YEATS2: variants seen among roughly 807,000 people sequenced by gnomAD.
YEATS2 encodes YEATS domain-containing protein 2.
In YEATS2, 77 loss-of-function variants were observed where a neutral mutation model predicts 163.2. That is an observed-to-expected ratio of 0.47 (90% CI 0.39 to 0.57). The LOEUF (loss-of-function observed/expected upper bound fraction) is 0.57. Ranked by LOEUF, YEATS2 falls within the 20% of genes least tolerant of loss-of-function variation. The pLI is 0.00. For synonymous variants in YEATS2, 631 were observed against 645.1 expected (o/e 0.98, Z 0.33); for missense variants, 1,549 against 1,729.8 (o/e 0.90, Z 1.85).
chr3:183,807,492 A>G, intron 28 of YEATS2: 1 of 266,746 alleles, frequency 3.7e-6, no homozygotes, highest in East Asian at 1.0e-4. Flanking sequence ...TCCTCCCCTG[A>G]TGTGTTGATA....
At chr3:183,774,287 C>G (rs1722755878) in intron 17 of YEATS2, among the ~76,000 whole-genome samples, 3 of 152,124 alleles carry the variant, frequency 2.0e-5, no homozygotes, top group Admixed American at 2.0e-4. Flanking sequence ...CCTGTCAGAT[C>G]AGCAGTGGCA....
intron 1 of YEATS2, among the ~76,000 whole-genome samples, chr3:183,699,439 C>T (rs945184743): frequency 6.6e-6 from 1 of 151,402 alleles, no homozygotes; most frequent in Non-Finnish European, 1.5e-5. Context: ...AGTGGCTGGG[C>T]GCGGTGCTCA....
At chr3:183,716,647 A>T (rs768899166) in intron 2 of YEATS2, among the ~76,000 whole-genome samples, 3 of 152,164 alleles carry the variant, frequency 2.0e-5, no homozygotes, top group Admixed American at 6.6e-5. Flanking sequence ...CACATGGCAT[A>T]ACTTTTTAAA....
chr3:183,787,923 A>G (rs974815349), intron 20 of YEATS2, among the ~76,000 whole-genome samples: 7 of 152,174 alleles, frequency 4.6e-5, no homozygotes, highest in Admixed American at 4.6e-4. Flanking sequence ...GAATGGCATG[A>G]ACCCAGGAGG....
rs544723577 is a variant in YEATS2 at position 183,750,075 on chromosome 3, C to T, written c.970-1998C>T. 3.3e-5 allele frequency among the ~76,000 whole-genome samples: 5 copies of T among 152,062 alleles called. No individual in the cohort carries two copies. The East Asian group carries it at 5.8e-4, about 18-fold the overall frequency. ...TCCTGACCTCATGATCTGCCTGCCT[C>T]GGCCTCCCAAAGTGCTGGGATTATA... On this transcript the variant is annotated intron_variant, in intron 9 of 30. Coordinates refer to ENST00000305135, the MANE Select transcript of YEATS2 (RefSeq NM_018023.5).
intron 8 of YEATS2, among the ~76,000 whole-genome samples, chr3:183,744,742 G>A (rs149712922): frequency 2.4e-4 from 36 of 152,120 alleles, no homozygotes; most frequent in African/African-American, 7.9e-4. Flanking sequence ...TTAACTCTTG[G>A]AGCCATCTTT....
At chr3:183,739,173 CCT>C (rs1422696962) in intron 8 of YEATS2, among the ~76,000 whole-genome samples, 1 of 151,922 alleles carries the variant, frequency 6.6e-6, no homozygotes, top group Non-Finnish European at 1.5e-5. Context: ...TCAAATTGTC[CCT>C]GTTTGCAGAC....
Position 183,776,032 on chromosome 3 carries a change from C to G in YEATS2, c.2486C>G (p.Thr829Arg), listed in dbSNP as rs1434882662. The G allele has an allele frequency of 6.2e-7, 1 of 1,612,750 alleles. No individual in the cohort carries two copies. Among genetic ancestry groups the G allele is most frequent in the South Asian group, 1.1e-5 (1 of 90,976 alleles). ...GGCAGCACAGGAGGAGGAGGAGGAACAGCAGGAGGAGGAACTCAAAGTACT... is the reference window on the plus strand; with the variant it reads ...GGCAGCACAGGAGGAGGAGGAGGAAGAGCAGGAGGAGGAACTCAAAGTACT... ...GGGSTGGGGG[T>R]AGGGTQSTAG... Residue 829 changes from threonine (T) to arginine (R), a missense_variant, in exon 18 of 31, where the codon ACA (threonine) becomes AGA (arginine). Transcript: ENST00000305135.
chr3:183,807,435 C>T (rs1324494940), intron 28 of YEATS2: 2 of 313,082 alleles, frequency 6.4e-6, no homozygotes, highest in Non-Finnish European at 1.2e-5. Flanking sequence ...GCACCTTTCC[C>T]TCATGAGGCA....
chr3:183,791,700 T>C (rs929221703), intron 21 of YEATS2, among the ~76,000 whole-genome samples: 11 of 152,218 alleles, frequency 7.2e-5, no homozygotes. Context: ...ATATAAAATA[T>C]ATCTTAGCCT....
intron 4 of YEATS2, among the ~76,000 whole-genome samples, chr3:183,719,172 G>T (rs113098933): frequency 0.035 from 4,122 of 117,054 alleles, 131 homozygotes; most frequent in African/African-American, 0.11. Context: ...TTTTTTGTTT[G>T]TTTTTTTGAG....
intron 15 of YEATS2, among the ~76,000 whole-genome samples, chr3:183,763,050 C>CA (rs1279484150): frequency 1.1e-4 from 14 of 124,888 alleles, no homozygotes; most frequent in Non-Finnish European, 2.1e-4. Context: ...GACTCTGTCT[C>CA]AAAAAAATAA....
intron 20 of YEATS2, among the ~76,000 whole-genome samples, chr3:183,789,702 A>AT (rs397878062): frequency 0.4 from 56,579 of 142,280 alleles, 11,316 homozygotes; most frequent in East Asian, 0.5. Flanking sequence ...CGCCCAGCTA[A>AT]TTTTTTTTTT....
chr3:183,808,212 C>A, intron 29 of YEATS2, 108 bp downstream of exon 29: 1 of 904,688 alleles, frequency 1.1e-6, no homozygotes, highest in Non-Finnish European at 1.7e-6. Context: ...TTTAAAATGT[C>A]TCGTCTTATT....
intron 6 of YEATS2, among the ~76,000 whole-genome samples, chr3:183,728,198 G>A (rs1717326098): frequency 6.6e-6 from 1 of 152,164 alleles, no homozygotes; most frequent in Non-Finnish European, 1.5e-5. Context: ...CTCCCAGCAA[G>A]CTGGGACTAC....
intron 15 of YEATS2, among the ~76,000 whole-genome samples, chr3:183,763,662 T>C (rs1024526871): frequency 1.3e-5 from 2 of 152,126 alleles, no homozygotes; most frequent in African/African-American, 2.4e-5. Context: ...AACTCCAAGC[T>C]CCCCATTTCA....
At chr3:183,749,118 AT>A (rs1234017793) in intron 9 of YEATS2, among the ~76,000 whole-genome samples, 1 of 151,732 alleles carries the variant, frequency 6.6e-6, no homozygotes, top group Non-Finnish European at 1.5e-5. Flanking sequence ...AATTTTTTGT[AT>A]TTTTAGTAGA....
chr3:183,806,945 C>T lies in YEATS2; in HGVS notation c.3864C>T (p.Pro1288=), dbSNP rs776410819. The change falls in exon 28 of 31, where the codon CCC becomes CCT. Residue 1288 remains proline (P), a synonymous_variant. Transcript: ENST00000305135. ...TGCAACAGTTCCAGAAAAGGGAACC[C>T]GAGAATGAGGAGGAGGTGGACATCC... The part of the protein sequence containing the change: ...EDLQQFQKRE[P]ENEEEVDILS... 3.2e-5 allele frequency: 52 copies of T among 1,613,852 alleles called. No individual in the cohort carries two copies. The highest frequency in any genetic ancestry group is 1.3e-4 in the African/African-American group (10 of 74,850).
intron 21 of YEATS2, among the ~76,000 whole-genome samples, chr3:183,793,777 T>A (rs1724891760): frequency 6.6e-6 from 1 of 152,006 alleles, no homozygotes; most frequent in African/African-American, 2.4e-5. Context: ...CACGTCCCAC[T>A]AATTCTTGTA....
Sources: gnomAD v4.1 joint callset for allele counts (sites outside exome capture counted in the v4.1 genomes callset) on GRCh38, gnomAD v4.1.1 for gene constraint, MANE v1.5 for transcripts, NCBI Gene and HGNC (gene_info 2026-07-23, HGNC 2026-07-21) for gene names.